NFILZ: variants seen among roughly 807,000 people sequenced by gnomAD.
NFILZ encodes NFIL3 like basic leucine zipper.
intron 3 of NFILZ, among the ~76,000 whole-genome samples, chr19:8,646,657 T>G (rs75664174): frequency 0.038 from 5,792 of 152,238 alleles, 174 homozygotes; most frequent in Non-Finnish European, 0.056. Context: ...CCCTGCACAA[T>G]GCAGTTCCCT....
intron 3 of NFILZ, among the ~76,000 whole-genome samples, chr19:8,654,432 A>G (rs2042983183): frequency 1.3e-5 from 2 of 151,930 alleles, no homozygotes; most frequent in African/African-American, 4.8e-5. Context: ...AGCCTGGGCA[A>G]CATGGCGAGG....
intron 3 of NFILZ, among the ~76,000 whole-genome samples, chr19:8,653,041 T>TTTCTTTCTTTCTCTCTCC (rs2042975623): frequency 9.5e-5 from 6 of 63,240 alleles, no homozygotes; most frequent in South Asian, 1.2e-3. Flanking sequence ...TCTTTCTTTC[T>TTTCTTTCTTTCTCTCTCC]CTCTCTCTCT....
At chr19:8,652,895 C>A (rs1839189146) in intron 3 of NFILZ, among the ~76,000 whole-genome samples, 1 of 148,952 alleles carries the variant, frequency 6.7e-6, no homozygotes, top group East Asian at 2.0e-4. Flanking sequence ...TCCTTCCTTT[C>A]TTTCCCTCCC....
intron 3 of NFILZ, among the ~76,000 whole-genome samples, chr19:8,647,582 C>A (rs2340541): frequency 0.12 from 17,863 of 148,072 alleles, 1,165 homozygotes; most frequent in Middle Eastern, 0.23. Flanking sequence ...CCGCACCCCC[C>A]CCCCCAAAAA....
In NFILZ at chr19:8,677,966, A is replaced by C. The variant is rs201173435; in HGVS notation, c.*331A>C. On this transcript the variant is annotated 3_prime_UTR_variant, in exon 6 of 6. Coordinates refer to ENST00000691075, the MANE Select transcript of NFILZ (RefSeq NM_001378600.1). ...TTCATCCATTCATCCTCATTTATTC[A>C]TCCATTCATTCATTCATCAATCCTT... Among the ~76,000 whole-genome samples the C allele has an allele frequency of 6.6e-6, 1 of 151,112 alleles. No homozygotes were observed. Among genetic ancestry groups the C allele is most frequent in the Non-Finnish European group, 1.5e-5 (1 of 67,804 alleles).
In NFILZ at chr19:8,678,045, CA is replaced by C. The variant is rs2043120771; in HGVS notation, c.*411del. Among the ~76,000 whole-genome samples the C allele has an allele frequency of 1.4e-5, 1 of 72,172 alleles. No individual in the cohort carries two copies. Among genetic ancestry groups the C allele is most frequent in the Non-Finnish European group, 3.0e-5 (1 of 33,850 alleles). The allele number at this position is 72,172 out of a possible 152,430, so 47.3% of individuals were successfully genotyped here. On this transcript the variant is annotated 3_prime_UTR_variant, in exon 6 of 6. Coordinates refer to ENST00000691075, the MANE Select transcript of NFILZ (RefSeq NM_001378600.1). ...TTATCCATCTATCCATCCATCCATC[CA>C]TCCATCCACCCATCTATTCATCCAT...
At position 8,679,392 on chromosome 19, in the gene NFILZ, T is replaced by C. The variant is rs186987370; in HGVS notation, c.*1757T>C. 3.7e-4 allele frequency among the ~76,000 whole-genome samples: 57 copies of C among 152,100 alleles called. No individual in the cohort carries two copies. Among genetic ancestry groups the C allele is most frequent in the African/African-American group, 1.2e-3 (49 of 41,472 alleles). ...CATGGGATGGGGGGCTCATCTGGACTGGTACTGACACTGAGAACCAGATGC... is the reference window on the plus strand; with the variant it reads ...CATGGGATGGGGGGCTCATCTGGACCGGTACTGACACTGAGAACCAGATGC... On this transcript the variant is annotated 3_prime_UTR_variant, in exon 6 of 6. Transcript: ENST00000691075.
At chr19:8,644,274 T>C (rs2042930181) in intron 3 of NFILZ, among the ~76,000 whole-genome samples, 1 of 151,820 alleles carries the variant, frequency 6.6e-6, no homozygotes, top group Non-Finnish European at 1.5e-5. Flanking sequence ...CTAATTTTTG[T>C]ACTTTTAGTA....
intron 3 of NFILZ, chr19:8,638,733 G>A (rs1441491019): frequency 1.3e-5 from 2 of 152,168 alleles, no homozygotes; most frequent in African/African-American, 2.4e-5. Flanking sequence ...GGGACCTCCC[G>A]GGGAAGGTGA....
intron 3 of NFILZ, among the ~76,000 whole-genome samples, chr19:8,660,233 A>G (rs1555748937): frequency 6.6e-6 from 1 of 152,150 alleles, no homozygotes; most frequent in African/African-American, 2.4e-5. Flanking sequence ...GGAAAAAGAG[A>G]TGTGGAGTCT....
intron 3 of NFILZ, among the ~76,000 whole-genome samples, chr19:8,668,999 C>T (rs1272795321): frequency 6.6e-6 from 1 of 152,124 alleles, no homozygotes; most frequent in Non-Finnish European, 1.5e-5. Flanking sequence ...GACTGGAGTG[C>T]AGTGGTGCAA....
At chr19:8,639,078 A>G (rs2042907929) in intron 3 of NFILZ, among the ~76,000 whole-genome samples, 1 of 151,982 alleles carries the variant, frequency 6.6e-6, no homozygotes, top group Non-Finnish European at 1.5e-5. Flanking sequence ...TCCTGGCCTC[A>G]AGTGATCTGC....
At chr19:8,640,474 G>A (rs1555746567) in intron 3 of NFILZ, among the ~76,000 whole-genome samples, 1 of 152,102 alleles carries the variant, frequency 6.6e-6, no homozygotes, top group East Asian at 1.9e-4. Context: ...TCCTGTGAAG[G>A]GGAAGTTCAC....
chr19:8,653,030 TTCTTTCTTTCTC>T (rs2042974778), intron 3 of NFILZ, among the ~76,000 whole-genome samples: 7 of 59,572 alleles, frequency 1.2e-4, no homozygotes, highest in African/African-American at 3.8e-4. Flanking sequence ...CTTTCTTTCT[TTCTTTCTTTCTC>T]TCTCTCTCTC....
intron 3 of NFILZ, among the ~76,000 whole-genome samples, chr19:8,662,771 G>A (rs1297462058): frequency 6.6e-6 from 1 of 151,618 alleles, no homozygotes; most frequent in East Asian, 1.9e-4. Context: ...TGAGTAGCTG[G>A]GATTACAGGC....
intron 3 of NFILZ, among the ~76,000 whole-genome samples, chr19:8,663,754 G>GTGTGTGTGTTTGTGTGTATGTGTGTA (rs1568423400): frequency 8.5e-6 from 1 of 117,542 alleles, no homozygotes; most frequent in African/African-American, 4.8e-5. Context: ...GTGTGTGTGT[G>GTGTGTGTGTTTGTGTGTATGTGTGTA]TGTGTGTGTG....
At chr19:8,667,798 G>A (rs12611080) in intron 3 of NFILZ, among the ~76,000 whole-genome samples, 29,126 of 151,852 alleles carry the variant, frequency 0.19, 3,149 homozygotes, top group South Asian at 0.35. Flanking sequence ...CCCCAACCTC[G>A]GCCTCCCAAA....
intron 3 of NFILZ, among the ~76,000 whole-genome samples, chr19:8,658,675 TC>T (rs2043015930): frequency 6.6e-6 from 1 of 150,730 alleles, no homozygotes; most frequent in African/African-American, 2.5e-5. Context: ...ATTCATTCAT[TC>T]ATTCATTCAT....
intron 1 of NFILZ, among the ~76,000 whole-genome samples, chr19:8,632,148 C>T (rs2042872962): frequency 1.3e-5 from 2 of 151,962 alleles, no homozygotes; most frequent in South Asian, 2.1e-4. Flanking sequence ...GGATTACAGG[C>T]GTGAGCCACC....
Sources: allele counts gnomAD v4.1 joint callset (sites outside exome capture counted in the v4.1 genomes callset), GRCh38; gene constraint gnomAD v4.1.1; transcripts MANE v1.5; gene names NCBI Gene and HGNC (gene_info 2026-07-23, HGNC 2026-07-21).